Variants in SRGAP3 observed in about 807,000 individuals in gnomAD.
SRGAP3 encodes SLIT-ROBO Rho GTPase-activating protein 3.
SRGAP3 carries 39 observed loss-of-function variants against 121.1 expected under a neutral mutation model. That is an observed-to-expected ratio of 0.32 (90% CI 0.25 to 0.42). The LOEUF (loss-of-function observed/expected upper bound fraction) is 0.42. SRGAP3 is among the 10% of genes least tolerant of loss of function. SRGAP3 has a pLI of 1.00. For synonymous variants in SRGAP3, 601 were observed against 570.0 expected, an observed-to-expected ratio of 1.05 and a Z score of -0.77; for missense variants, 1,213 against 1,470.6, an observed-to-expected ratio of 0.82 and a Z score of 2.86.
intron 14 of SRGAP3, among the ~76,000 whole-genome samples, chr3:9,022,448 G>T (rs576194776): frequency 6.6e-6 from 1 of 152,352 alleles, no homozygotes; most frequent in African/African-American, 2.4e-5. Flanking sequence ...GGCGAGAAGA[G>T]AAATATTGAG....
At chr3:9,028,073 G>A (rs749357852) in intron 12 of SRGAP3, 1 of 1,613,826 alleles carries the variant, frequency 6.2e-7, no homozygotes, top group African/African-American at 1.3e-5. Context: ...ACGGTGAATG[G>A]GGCTAATGGG....
At chr3:9,346,754 T>C (rs1955897769) in intron 1 of SRGAP3, among the ~76,000 whole-genome samples, 1 of 12,798 alleles carries the variant, frequency 7.8e-5, no homozygotes, top group African/African-American at 2.2e-4. Context: ...CAATTTTTTC[T>C]TTTTTTTTTT....
intron 3 of SRGAP3, among the ~76,000 whole-genome samples, chr3:9,080,859 C>T (rs566636729): frequency 6.6e-6 from 1 of 152,306 alleles, no homozygotes; most frequent in Non-Finnish European, 1.5e-5. Context: ...TGCAGGAAAA[C>T]AAGCTCAGGG....
chr3:9,176,079 G>T (rs1156612977), intron 1 of SRGAP3, among the ~76,000 whole-genome samples: 3 of 152,084 alleles, frequency 2.0e-5, no homozygotes, highest in Non-Finnish European at 4.4e-5. Flanking sequence ...GTGCCACCAT[G>T]CCCGGCTAAT....
At chr3:9,096,439 T>C (rs1575067755) in intron 3 of SRGAP3, among the ~76,000 whole-genome samples, 1 of 152,212 alleles carries the variant, frequency 6.6e-6, no homozygotes, top group Non-Finnish European at 1.5e-5. Flanking sequence ...TATTAACTTC[T>C]GTATATTAAT....
rs145429372 is a variant in SRGAP3, at chr3:9,047,843, A to G, written c.1324-368T>C. 3.9e-5 allele frequency among the ~76,000 whole-genome samples: 6 copies of G among 152,292 alleles called. No individual in the cohort carries two copies. In the East Asian group the frequency reaches 1.2e-3, roughly 29 times the overall value. ...AGCTCCACTGTGCTTCTGCGCCAAG[A>G]GCAATAAAAATGGGAGCCGTCCCAG... On this transcript the variant is annotated intron_variant, in intron 9 of 21. Transcript: ENST00000383836.
At chr3:9,197,467 T>A (rs987979027) in intron 1 of SRGAP3, among the ~76,000 whole-genome samples, 9 of 152,380 alleles carry the variant, frequency 5.9e-5, no homozygotes, top group Non-Finnish European at 1.0e-4. Context: ...GAGATAATAG[T>A]TCCTGTTTAT....
chr3:9,252,228 G>A (rs1048777342), upstream of SRGAP3, among the ~76,000 whole-genome samples: 1 of 152,102 alleles, frequency 6.6e-6, no homozygotes, highest in Admixed American at 6.5e-5. Flanking sequence ...AGCTTCCTGA[G>A]GCCTCATCAG....
At chr3:9,016,302 T>C (rs999942294) in intron 14 of SRGAP3, among the ~76,000 whole-genome samples, 7 of 152,238 alleles carry the variant, frequency 4.6e-5, no homozygotes, top group African/African-American at 1.7e-4. Context: ...CTTGAGTCCT[T>C]TAAATGTAAA....
intron 1 of SRGAP3, among the ~76,000 whole-genome samples, chr3:9,139,813 T>C (rs1004928270): frequency 1.3e-5 from 2 of 152,078 alleles, no homozygotes; most frequent in South Asian, 2.1e-4. Flanking sequence ...GTATTGAATA[T>C]AAGATGACCA....
In SRGAP3 at chr3:9,294,257, C is replaced by A. The variant is rs188372469; in HGVS notation, n.442+31753G>T. 8.5e-3 allele frequency among the ~76,000 whole-genome samples: 1,296 copies of A among 152,250 alleles called. 9 individuals are homozygous for A. The highest frequency in any genetic ancestry group is 0.013 in the Non-Finnish European group (904 of 68,016). On this transcript the variant is annotated intron_variant and non_coding_transcript_variant, in intron 3 of 3. Transcript: ENST00000490889. ...TGGAGCTGGAGGCCATTATCCTTAG[C>A]AAACTAGTGCAGAAACAGAAAACCA...
chr3:9,239,971 T>G lies in SRGAP3; in HGVS notation c.67+8914A>C, dbSNP rs1259081969. 6.6e-6 allele frequency among the ~76,000 whole-genome samples: 1 copy of G among 152,178 alleles called. No individual in the cohort carries two copies. The highest frequency in any genetic ancestry group is 1.5e-5 in the Non-Finnish European group (1 of 68,036). ...TGTGACCCAGTCCATGAAAAATATCTACACAATCAAGTAAGTTTGAGGAAA... is the reference window on the plus strand; with the variant it reads ...TGTGACCCAGTCCATGAAAAATATCGACACAATCAAGTAAGTTTGAGGAAA... On this transcript the variant is annotated intron_variant, in intron 1 of 21. Coordinates refer to ENST00000383836, the MANE Select transcript of SRGAP3 (RefSeq NM_014850.4). This position sits in a 1 kb window ranked among gnomAD's most constrained non-coding sequence, Gnocchi z 4.0.
intron 1 of SRGAP3, among the ~76,000 whole-genome samples, chr3:9,199,899 TTAAA>T (rs1206015697): frequency 2.0e-5 from 3 of 152,184 alleles, no homozygotes; most frequent in African/African-American, 7.2e-5. Context: ...CATTGAGCTC[TTAAA>T]TAAAGGAACA....
chr3:9,100,415 G>A (rs1380681644), intron 3 of SRGAP3, among the ~76,000 whole-genome samples: 2 of 152,130 alleles, frequency 1.3e-5, no homozygotes, highest in African/African-American at 2.4e-5. Context: ...AAGCAAACAG[G>A]AGGCCAAAGA....
At chr3:8,995,332 T>C (rs1245179859) in intron 18 of SRGAP3, among the ~76,000 whole-genome samples, 1 of 152,094 alleles carries the variant, frequency 6.6e-6, no homozygotes, top group African/African-American at 2.4e-5. Flanking sequence ...TTTAATTAGC[T>C]GGGCGTGGTA....
intron 3 of SRGAP3, among the ~76,000 whole-genome samples, chr3:9,267,366 T>C (rs1385579616): frequency 6.6e-6 from 1 of 152,142 alleles, no homozygotes; most frequent in Non-Finnish European, 1.5e-5. Flanking sequence ...GGTTGAGAGA[T>C]GAGATCAACT....
chr3:9,123,182 G>A (rs547565414), intron 2 of SRGAP3, among the ~76,000 whole-genome samples: 196 of 152,254 alleles, frequency 1.3e-3, no homozygotes, highest in African/African-American at 4.4e-3. Context: ...GCTGGAAGGC[G>A]TGGCAGGGAA....
upstream of SRGAP3, among the ~76,000 whole-genome samples, chr3:9,252,908 C>T (rs1304003743): frequency 1.3e-5 from 2 of 152,252 alleles, no homozygotes; most frequent in Non-Finnish European, 2.9e-5. Context: ...ATGCCACCCA[C>T]TAAGGACCAG....
intron 2 of SRGAP3, 142 bp downstream of exon 2, chr3:9,124,583 A>G: frequency 9.6e-7 from 1 of 1,044,206 alleles, no homozygotes; most frequent in Non-Finnish European, 1.4e-6. Context: ...TTGGAGGTGT[A>G]AGTAACCTGC....
Sources: gnomAD v4.1 joint callset for allele counts (sites outside exome capture counted in the v4.1 genomes callset) on GRCh38, gnomAD v4.1.1 for gene constraint, Gnocchi (gnomAD v3.1) non-coding constraint, MANE v1.5 for transcripts, NCBI Gene and HGNC (gene_info 2026-07-23, HGNC 2026-07-21) for gene names.